Variants in MN1 observed in about 807,000 individuals in gnomAD.
MN1 encodes the protein MN1 proto-oncogene, transcriptional regulator.
In MN1, 19 loss-of-function variants were observed where a neutral mutation model predicts 86.9. The ratio of observed to expected loss-of-function variants is 0.22; its 90% CI spans 0.15 to 0.32. MN1 has a LOEUF of 0.32. Among genes scored for constraint, MN1 ranks in the 10% least tolerant of loss-of-function variants. The pLI is 1.00. For synonymous variants in MN1, 928 were observed against 849.6 expected (o/e 1.09, Z -1.60); for missense variants, 1,841 against 1,862.0 (o/e 0.99, Z 0.21).
chr22:27,785,056 CCACACACACACACACACACACACA>C (rs57257445), intron 1 of MN1, among the ~76,000 whole-genome samples: 1 of 144,832 alleles, frequency 6.9e-6, no homozygotes, highest in African/African-American at 2.6e-5. Flanking sequence ...CTGGCATCCG[CCACACACACACACACACACACACA>C]CACACACACA....
At chr22:27,761,398 TTCTCTC>T (rs150600239) in intron 1 of MN1, among the ~76,000 whole-genome samples, 1 of 147,354 alleles carries the variant, frequency 6.8e-6, no homozygotes. Context: ...CTCTCTCTCT[TTCTCTC>T]TCTCTCTCTC....
intron 1 of MN1, among the ~76,000 whole-genome samples, chr22:27,789,780 C>T (rs952417080): frequency 2.6e-5 from 4 of 152,230 alleles, no homozygotes; most frequent in Non-Finnish European, 5.9e-5. Context: ...TACGATGATG[C>T]GTAAATCGTG....
At position 27,751,055 on chromosome 22, in the gene MN1, C is replaced by T. The variant is rs772440856; in HGVS notation, c.3823G>A (p.Gly1275Ser). 6.3e-7 allele frequency: 1 copy of T among 1,597,832 alleles called. No homozygotes were observed. Among genetic ancestry groups the T allele is most frequent in the Non-Finnish European group, 8.6e-7 (1 of 1,169,264 alleles). Reference protein sequence around the residue: ...PANKASASQPGSHLQCLSVHC... With the variant: ...PANKASASQPSSHLQCLSVHC... ...ACAGACAGGCACTGCAAGTGGCTGC[C>T]AGGCTGGGATGCTGAGGCCTTGTTT... is the stretch of plus-strand genomic sequence containing the variant. The change falls in exon 2 of 2, where the codon GGC becomes AGC. Residue 1275 changes from glycine to serine, a missense_variant. Gly to Ser is a moderately conservative substitution (Grantham distance 56). Coordinates refer to ENST00000302326, the MANE Select transcript of MN1 (RefSeq NM_002430.3).
intron 1 of MN1, among the ~76,000 whole-genome samples, chr22:27,790,589 G>A (rs543368478): frequency 1.8e-4 from 28 of 151,874 alleles, no homozygotes; most frequent in Middle Eastern, 6.8e-3. Context: ...GCCCAGTGTC[G>A]TCTCCGCCAC....
In MN1 at chr22:27,750,919, G is replaced by A. The variant is rs1344901102; in HGVS notation, c.3959C>T (p.Thr1320Ile). ...GGAGGGGATCTTTCTTGTCATTCAA[G>A]TTAGGGCAGCCACGAATGTCCCAAA... is the stretch of plus-strand genomic sequence containing the variant. ...NRFGTFVAAL[T>I] is the part of the protein sequence containing the mutation. Residue 1320 changes from threonine (T) to isoleucine (I), a missense_variant, in exon 2 of 2, where the codon ACT becomes ATT. By Grantham distance (89) the Thr-to-Ile change is moderately conservative. Transcript: ENST00000302326. The A allele has an allele frequency of 6.3e-7, 1 of 1,589,166 alleles. No homozygotes were observed. Among genetic ancestry groups the A allele is most frequent in the Admixed American group, 1.7e-5 (1 of 58,132 alleles).
chr22:27,781,546 T>C (rs1471179162), intron 1 of MN1, among the ~76,000 whole-genome samples: 1 of 152,140 alleles, frequency 6.6e-6, no homozygotes, highest in African/African-American at 2.4e-5. Context: ...CCAGGGACAC[T>C]GAGGCCCAGA....
In MN1 at chr22:27,797,563, G is replaced by A; in HGVS notation, c.2981C>T (p.Thr994Met). ...TTCGTGGGGCGTCGGTGCCCCGCGC[G>A]TCTCGCCTGCGGAGCTTCCCCCGAC... ...AAVGGSSAGE[T>M]RGAPTPHEKA... The change falls in exon 1 of 2, where the codon ACG becomes ATG. Residue 994 changes from threonine (T) to methionine (M), a missense_variant. Thr to Met is a moderately conservative substitution (Grantham distance 81, BLOSUM62 -1). Transcript: ENST00000302326. 1 of 1,607,024 alleles carries A rather than the reference G, an allele frequency of 6.2e-7. No individual in the cohort carries two copies. The highest frequency in any genetic ancestry group is 8.5e-7 in the Non-Finnish European group (1 of 1,177,442).
chr22:27,795,039 G>A (rs967494450), intron 1 of MN1, among the ~76,000 whole-genome samples: 2 of 142,478 alleles, frequency 1.4e-5, no homozygotes, highest in African/African-American at 5.2e-5. Context: ...CAAGCAGGAG[G>A]CTGTGTCCAA....
At chr22:27,796,276 C>A (rs1933293339) in intron 1 of MN1, among the ~76,000 whole-genome samples, 1 of 152,040 alleles carries the variant, frequency 6.6e-6, no homozygotes, top group Non-Finnish European at 1.5e-5. Context: ...AATGCTGGCA[C>A]CTAAAAGAAC....
chr22:27,761,719 C>T (rs1237556744), intron 1 of MN1, among the ~76,000 whole-genome samples: 1 of 152,196 alleles, frequency 6.6e-6, no homozygotes, highest in Non-Finnish European at 1.5e-5. Context: ...TCTGCAAGGC[C>T]CCCCCGTTCC....
rs768157927 is a variant in MN1 at position 27,797,402 on chromosome 22, C to G, written c.3142G>C (p.Glu1048Gln). ...SPNVGEFASDEVSTSYANEDE... is the reference protein window; with the variant it reads ...SPNVGEFASDQVSTSYANEDE... ...TCATTGGCGTAGCTCGTGCTCACCTCGTCCGAGGCGAACTCACCCACGTTT... is the reference window on the plus strand; with the variant it reads ...TCATTGGCGTAGCTCGTGCTCACCTGGTCCGAGGCGAACTCACCCACGTTT... Residue 1048 changes from glutamate (E) to glutamine (Q), a missense_variant, in exon 1 of 2, where the codon GAG becomes CAG. Glu to Gln is a conservative substitution (Grantham distance 29). Coordinates refer to ENST00000302326, the MANE Select transcript of MN1 (RefSeq NM_002430.3). 2.5e-6 allele frequency: 4 copies of G among 1,611,868 alleles called. No homozygotes were observed. The highest frequency in any genetic ancestry group is 1.1e-5 in the South Asian group (1 of 90,954).
chr22:27,751,481 A>T (rs765468555), intron 1 of MN1, among the ~76,000 whole-genome samples: 5 of 152,198 alleles, frequency 3.3e-5, no homozygotes, highest in Non-Finnish European at 5.9e-5. Flanking sequence ...AAGGATGTGT[A>T]GGAGTTCGCC....
At chr22:27,787,000 G>A (rs576827245) in intron 1 of MN1, among the ~76,000 whole-genome samples, 9 of 152,232 alleles carry the variant, frequency 5.9e-5, no homozygotes, top group Middle Eastern at 3.4e-3. Context: ...TTACAAATTC[G>A]GCAAAAATTG....
intron 1 of MN1, among the ~76,000 whole-genome samples, chr22:27,768,175 C>CCTT (rs1383150136): frequency 6.6e-6 from 1 of 152,150 alleles, no homozygotes; most frequent in Non-Finnish European, 1.5e-5. Context: ...CATCATCCTG[C>CCTT]CTTCCCCTTT....
intron 1 of MN1, among the ~76,000 whole-genome samples, chr22:27,762,997 A>C (rs1932844662): frequency 6.6e-6 from 1 of 152,166 alleles, no homozygotes; most frequent in African/African-American, 2.4e-5. Flanking sequence ...GGTCTCAGCT[A>C]CTTGGTAGGA....
Position 27,798,293 on chromosome 22 carries a change from C to A in MN1, c.2251G>T (p.Ala751Ser). Reference sequence around the variant, plus strand: ...CTGTGCGGCGTGGACTGCCGGCCGGCTGCACCAAACGGAAAGCCCGGCTGG... The same window carrying A: ...CTGTGCGGCGTGGACTGCCGGCCGGATGCACCAAACGGAAAGCCCGGCTGG... Reference protein sequence around the residue: ...GGQPGFPFGAAGRQSTPHSGP... With the variant: ...GGQPGFPFGASGRQSTPHSGP... Residue 751 changes from alanine (A) to serine (S), a missense_variant, in exon 1 of 2, where the codon GCC becomes TCC. By Grantham distance (99) the Ala-to-Ser change is moderately conservative. Coordinates refer to ENST00000302326, the MANE Select transcript of MN1 (RefSeq NM_002430.3). 1.3e-6 allele frequency: 2 copies of A among 1,525,416 alleles called. No individual in the cohort carries two copies. The highest frequency in any genetic ancestry group is 1.7e-6 in the Non-Finnish European group (2 of 1,146,568). The allele number at this position is 1,525,416 out of a possible 1,614,324, so 94.5% of individuals were successfully genotyped here.
At position 27,749,536 on chromosome 22, in the gene MN1, G is replaced by C. The variant is rs1932740802; in HGVS notation, c.*1379C>G. The C allele has an allele frequency of 4.3e-6, 1 of 232,224 alleles. No individual in the cohort carries two copies. The allele number at this position is 232,224 out of a possible 1,614,324, so 14.4% of individuals were successfully genotyped here. On this transcript the variant is annotated 3_prime_UTR_variant, in exon 2 of 2. Coordinates refer to ENST00000302326, the MANE Select transcript of MN1 (RefSeq NM_002430.3). ...GCATCAGCAGCACCCAAAGTTGCCTGCCCCTGCCAACCACCACTCATCTCT... is the reference window on the plus strand; with the variant it reads ...GCATCAGCAGCACCCAAAGTTGCCTCCCCCTGCCAACCACCACTCATCTCT...
chr22:27,798,163 C>A lies in MN1; in HGVS notation c.2381G>T (p.Ser794Ile). The change falls in exon 1 of 2, where the codon AGC becomes ATC. Residue 794 changes from serine (S) to isoleucine (I), a missense_variant. Physicochemically the swap from Ser to Ile is moderately radical, Grantham distance 142 (BLOSUM62 -2). Coordinates refer to ENST00000302326, the MANE Select transcript of MN1 (RefSeq NM_002430.3). ...CAATTTACTGGCCGAGGTGCGCTGG[C>A]TGGGCTGGAAATCAGGCTGCGGCGG... ...AYPPQPDFQP[S>I]QRTSASKLGA... The A allele has an allele frequency of 1.3e-6, 2 of 1,584,344 alleles. No homozygotes were observed.
chr22:27,783,603 G>A (rs1010777517), intron 1 of MN1, among the ~76,000 whole-genome samples: 10 of 152,294 alleles, frequency 6.6e-5, no homozygotes, highest in East Asian at 5.8e-4. Context: ...CTGGCTCTGC[G>A]CCTGTGCTGT....
Sources: allele counts gnomAD v4.1 joint callset (sites outside exome capture counted in the v4.1 genomes callset), GRCh38; gene constraint gnomAD v4.1.1; transcripts MANE v1.5; gene names NCBI Gene and HGNC (gene_info 2026-07-23, HGNC 2026-07-21).